Variants in PCDHGA3 observed in about 807,000 individuals in gnomAD.
The protein encoded by PCDHGA3 is protocadherin gamma-A3.
Under a neutral mutation model 58.5 loss-of-function variants are expected in PCDHGA3, and 40 were observed. The observed-to-expected ratio is 0.68, with a 90% CI of 0.53 to 0.89. The LOEUF is 0.89. Among genes scored for constraint, PCDHGA3 ranks in the 40% least tolerant of loss-of-function variants. The pLI, the probability that PCDHGA3 is intolerant of heterozygous loss-of-function variation, is 0.00. For missense variants in PCDHGA3, 1,223 were observed against 1,195.9 expected, an observed-to-expected ratio of 1.02 and a Z score of -0.33; for synonymous variants, 530 against 525.7, an observed-to-expected ratio of 1.01 and a Z score of -0.11.
At chr5:141,427,191 G>A (rs749528616) in intron 1 of PCDHGA3, 1 of 456,716 alleles carries the variant, frequency 2.2e-6, no homozygotes, top group South Asian at 1.5e-5. Flanking sequence ...TAAATCCAAA[G>A]ACTTAATAGA....
rs751874380 is a variant in PCDHGA3 at position 141,486,055 on chromosome 5, C to A, written c.2425-8752C>A. ...CTGATCGTGTAAGAAACCTCTTTAG[C>A]CTGCACCCCACTACTGGAAAGCTTA... On this transcript the variant is annotated intron_variant, in intron 1 of 3. Transcript: ENST00000253812. The surrounding 1 kb of genome is among the most constrained non-coding windows in gnomAD (Gnocchi z 5.0). The A allele has an allele frequency of 6.2e-7, 1 of 1,614,170 alleles. No individual in the cohort carries two copies. Among genetic ancestry groups the A allele is most frequent in the South Asian group, 1.1e-5 (1 of 91,072 alleles).
At chr5:141,383,723 G>A in intron 1 of PCDHGA3, 1 of 1,613,946 alleles carries the variant, frequency 6.2e-7, no homozygotes. Context: ...GGAGTCAATG[G>A]GGAAGTGACA....
chr5:141,357,346 C>G lies in PCDHGA3; in HGVS notation c.2424+10889C>G, dbSNP rs1200320235. On this transcript the variant is annotated intron_variant, in intron 1 of 3. Coordinates refer to ENST00000253812, the MANE Select transcript of PCDHGA3 (RefSeq NM_018916.4). ...TGTCACGGTGCTGCTAGCACTCAAGCTGAGACGCTGGCACAAGTCACGCCT... is the reference window on the plus strand; with the variant it reads ...TGTCACGGTGCTGCTAGCACTCAAGGTGAGACGCTGGCACAAGTCACGCCT... The G allele has an allele frequency of 1.9e-6, 3 of 1,614,002 alleles. No individual in the cohort carries two copies. Among genetic ancestry groups the G allele is most frequent in the Non-Finnish European group, 2.5e-6 (3 of 1,179,964 alleles).
intron 1 of PCDHGA3, chr5:141,419,386 G>T: frequency 2.5e-6 from 4 of 1,613,650 alleles, no homozygotes; most frequent in Non-Finnish European, 3.4e-6. Context: ...CCGTGAGCGC[G>T]CAGAGCGGGG....
At chr5:141,365,854 C>T (rs570866859) in intron 1 of PCDHGA3, 1 of 1,614,060 alleles carries the variant, frequency 6.2e-7, no homozygotes, top group Non-Finnish European at 8.5e-7. Flanking sequence ...TATCCATTAA[C>T]TCTGACACCG....
At chr5:141,456,984 C>T (rs374156327) in intron 1 of PCDHGA3, among the ~76,000 whole-genome samples, 1 of 152,082 alleles carries the variant, frequency 6.6e-6, no homozygotes, top group Admixed American at 6.6e-5. Flanking sequence ...AACAAACAAA[C>T]AAACAAAAAC....
At chr5:141,369,362 A>C (rs1389904751) in intron 1 of PCDHGA3, among the ~76,000 whole-genome samples, 1 of 152,158 alleles carries the variant, frequency 6.6e-6, no homozygotes, top group African/African-American at 2.4e-5. Flanking sequence ...GTATGAAAAA[A>C]CATCCTTTGT....
At chr5:141,467,103 AGTACAATG>A (rs1438695307) in intron 1 of PCDHGA3, among the ~76,000 whole-genome samples, 1 of 147,462 alleles carries the variant, frequency 6.8e-6, no homozygotes, top group East Asian at 2.0e-4. Flanking sequence ...CACAGGCTGG[AGTACAATG>A]GTGCAATCTC....
At chr5:141,427,722 G>C (rs755543438) in intron 1 of PCDHGA3, 7 of 1,120,986 alleles carry the variant, frequency 6.2e-6, no homozygotes, top group Non-Finnish European at 9.3e-6. Context: ...CCTGGACCTA[G>C]GGCTGAATGG....
At chr5:141,404,891 C>G in intron 1 of PCDHGA3, 1 of 1,613,898 alleles carries the variant, frequency 6.2e-7, no homozygotes, top group African/African-American at 1.3e-5. Context: ...GGTGGCTGTA[C>G]AGGACCATGG....
At position 141,432,950 on chromosome 5, in the gene PCDHGA3, G is replaced by A. The variant is rs750033444; in HGVS notation, c.2425-61857G>A. 9.9e-6 allele frequency: 16 copies of A among 1,614,190 alleles called. No individual in the cohort carries two copies. The highest frequency in any genetic ancestry group is 1.3e-5 in the African/African-American group (1 of 75,060). ...ACGCCTGCTGCAGGCTTCAGGAGGC[G>A]GCTTGACAGGAGCGCCGGCGTCGCA... is the stretch of plus-strand genomic sequence containing the variant. On this transcript the variant is annotated intron_variant, in intron 1 of 3. Coordinates refer to ENST00000253812, the MANE Select transcript of PCDHGA3 (RefSeq NM_018916.4). This position sits in a 1 kb window ranked among gnomAD's most constrained non-coding sequence, Gnocchi z 6.0.
chr5:141,444,525 C>T (rs2098439670), intron 1 of PCDHGA3, among the ~76,000 whole-genome samples: 1 of 152,062 alleles, frequency 6.6e-6, no homozygotes, highest in African/African-American at 2.4e-5. Context: ...GTAGGTGAGA[C>T]AGTGACTGTG....
At chr5:141,366,743 C>T (rs561614642) in intron 1 of PCDHGA3, 3 of 1,611,598 alleles carry the variant, frequency 1.9e-6, no homozygotes, top group East Asian at 2.2e-5. Context: ...AGAAGAACGG[C>T]GAGTTCAGGT....
At chr5:141,438,305 G>T (rs1287488865) in intron 1 of PCDHGA3, among the ~76,000 whole-genome samples, 2 of 151,822 alleles carry the variant, frequency 1.3e-5, no homozygotes, top group East Asian at 1.9e-4. Context: ...AAAGAAGTTG[G>T]TACCACCATA....
At chr5:141,376,447 C>G (rs777597745) in intron 1 of PCDHGA3, 2 of 1,614,182 alleles carry the variant, frequency 1.2e-6, no homozygotes, top group Non-Finnish European at 1.7e-6. Flanking sequence ...ATGAGAAAAG[C>G]GAGCCTCTTC....
In PCDHGA3 at chr5:141,486,600, C is replaced by G. The variant is rs748395954; in HGVS notation, c.2425-8207C>G. Reference sequence around the variant, plus strand: ...AATCGCCCAGGGGACCTGCTTTGCTCCCTTGCAGCCTCTGACCCAGACTCT... The same window carrying G: ...AATCGCCCAGGGGACCTGCTTTGCTGCCTTGCAGCCTCTGACCCAGACTCT... On this transcript the variant is annotated intron_variant, in intron 1 of 3. Transcript: ENST00000253812. This position sits in a 1 kb window ranked among gnomAD's most constrained non-coding sequence, Gnocchi z 5.0. 21 of 1,613,602 alleles carry G rather than the reference C, an allele frequency of 1.3e-5. No individual in the cohort carries two copies. Among genetic ancestry groups the G allele is most frequent in the South Asian group, 2.2e-5 (2 of 91,086 alleles).
intron 1 of PCDHGA3, chr5:141,404,094 A>C: frequency 6.2e-7 from 1 of 1,613,620 alleles, no homozygotes; most frequent in South Asian, 1.1e-5. Context: ...AAGAATGGTC[A>C]AGTTGTCTGT....
chr5:141,457,335 A>G (rs2098917073), intron 1 of PCDHGA3, among the ~76,000 whole-genome samples: 1 of 152,172 alleles, frequency 6.6e-6, no homozygotes, highest in Admixed American at 6.5e-5. Flanking sequence ...CAGGTACCTT[A>G]CTTACTTTCA....
intron 1 of PCDHGA3, chr5:141,392,664 C>CT (rs530587453): frequency 1.2e-6 from 1 of 817,260 alleles, no homozygotes; most frequent in South Asian, 2.1e-5. Flanking sequence ...ATGCCACAAA[C>CT]TAACTGCTGG....
Sources: gnomAD v4.1 joint callset for allele counts (sites outside exome capture counted in the v4.1 genomes callset) on GRCh38, gnomAD v4.1.1 for gene constraint, Gnocchi (gnomAD v3.1) non-coding constraint, MANE v1.5 for transcripts, NCBI Gene and HGNC (gene_info 2026-07-23, HGNC 2026-07-21) for gene names.